Variants in NTRK2 observed in about 807,000 individuals in gnomAD.
The protein encoded by NTRK2 is BDNF/NT-3 growth factors receptor.
A neutral mutation model predicts 94.5 loss-of-function variants in NTRK2; 13 were observed. That is an observed-to-expected ratio of 0.14 (90% CI 0.09 to 0.22). The LOEUF is 0.22. NTRK2 is among the 10% of genes least tolerant of loss of function. The pLI, the probability that NTRK2 is intolerant of heterozygous loss-of-function variation, is 1.00. For missense variants in NTRK2, 639 were observed against 1,071.2 expected (o/e 0.60, Z 5.63); for synonymous variants, 372 against 407.4 (o/e 0.91, Z 1.05).
chr9:84,751,270 TATTCTTCACCAGCTTCAAGA>T (rs755542131), intron 11 of NTRK2, among the ~76,000 whole-genome samples: 5 of 152,218 alleles, frequency 3.3e-5, no homozygotes, highest in Non-Finnish European at 5.9e-5. Flanking sequence ...AACCCCATTG[TATTCTTCACCAGCTTCAAGA>T]ATTATCGGGC....
Position 84,813,889 on chromosome 9 carries a change from G to T in NTRK2, c.1397-47151G>T, listed in dbSNP as rs911500341. The T allele has an allele frequency of 5.6e-6, 6 of 1,065,220 alleles. No homozygotes were observed. In the African/African-American group the frequency reaches 9.8e-5, roughly 17 times the overall value. The allele number at this position is 1,065,220 out of a possible 1,614,324, so 66.0% of individuals were successfully genotyped here. On this transcript the variant is annotated intron_variant, in intron 12 of 18. Transcript: ENST00000277120. ...CTATATCTTATTATATTTACTCATG[G>T]CTCAATGGGGGCCTCCAGAGACCCT...
intron 14 of NTRK2, chr9:84,872,463 G>A: frequency 9.3e-7 from 1 of 1,072,304 alleles, no homozygotes; most frequent in Non-Finnish European, 1.1e-6. Flanking sequence ...AAATTAGCTA[G>A]GGTCCTAGGG....
chr9:84,899,616 C>A (rs2076866865), intron 14 of NTRK2, among the ~76,000 whole-genome samples: 1 of 152,160 alleles, frequency 6.6e-6, no homozygotes, highest in South Asian at 2.1e-4. Context: ...GAATTGGAAC[C>A]AGCTGAGCTT....
intron 4 of NTRK2, among the ~76,000 whole-genome samples, chr9:84,705,498 C>A (rs528912300): frequency 2.0e-5 from 3 of 152,222 alleles, no homozygotes; most frequent in Non-Finnish European, 2.9e-5. Context: ...GTTCTTTGGC[C>A]GGTAACCCCG....
chr9:84,946,857 CCA>C (rs2078614911), intron 15 of NTRK2, among the ~76,000 whole-genome samples: 1 of 152,158 alleles, frequency 6.6e-6, no homozygotes, highest in South Asian at 2.1e-4. Flanking sequence ...TAGAGGCCAC[CCA>C]CATTTCTTGG....
At chr9:84,811,503 T>C in intron 12 of NTRK2, 1 of 1,065,500 alleles carries the variant, frequency 9.4e-7, no homozygotes, top group Non-Finnish European at 1.1e-6. Context: ...GTCTGCCGAG[T>C]GAGAAGGCCA....
At chr9:84,958,187 C>T (rs1824406927) in intron 17 of NTRK2, among the ~76,000 whole-genome samples, 1 of 149,758 alleles carries the variant, frequency 6.7e-6, no homozygotes, top group South Asian at 2.1e-4. Context: ...AATTGTACAA[C>T]ATTAATCATA....
chr9:84,733,804 T>C (rs1450963209), intron 9 of NTRK2, among the ~76,000 whole-genome samples: 1 of 152,210 alleles, frequency 6.6e-6, no homozygotes, highest in East Asian at 1.9e-4. Flanking sequence ...CCTCTTTAAA[T>C]CTTCTTTCTT....
intron 17 of NTRK2, among the ~76,000 whole-genome samples, chr9:84,974,707 T>C (rs1483997857): frequency 6.6e-6 from 1 of 152,218 alleles, no homozygotes; most frequent in African/African-American, 2.4e-5. Context: ...CCTCAAATGA[T>C]GTGGAGAACC....
chr9:84,919,282 A>G (rs990458407), intron 14 of NTRK2, among the ~76,000 whole-genome samples: 1 of 152,118 alleles, frequency 6.6e-6, no homozygotes, highest in Non-Finnish European at 1.5e-5. Context: ...TTGAGTTCCT[A>G]TCACTCTAGT....
At chr9:84,840,288 T>A (rs2074103803) in intron 12 of NTRK2, among the ~76,000 whole-genome samples, 1 of 138,022 alleles carries the variant, frequency 7.2e-6, no homozygotes, top group African/African-American at 2.9e-5. Context: ...TTTTTTTTTT[T>A]AACTCTTTCT....
intron 14 of NTRK2, among the ~76,000 whole-genome samples, chr9:84,881,476 A>G (rs560991610): frequency 1.3e-5 from 2 of 152,364 alleles, no homozygotes; most frequent in East Asian, 1.9e-4. Flanking sequence ...GTTCTGAATC[A>G]TAGTCTGTTC....
chr9:84,970,517 A>G (rs576160390), intron 17 of NTRK2, among the ~76,000 whole-genome samples: 1 of 152,294 alleles, frequency 6.6e-6, no homozygotes, highest in African/African-American at 2.4e-5. Flanking sequence ...AGCTGTCATT[A>G]TTGTAACTAT....
At chr9:84,974,075 G>A (rs1344347272) in intron 17 of NTRK2, among the ~76,000 whole-genome samples, 1 of 152,072 alleles carries the variant, frequency 6.6e-6, no homozygotes, top group Admixed American at 6.5e-5. Context: ...TTCTCTTAAA[G>A]CAATATCCCC....
At chr9:84,669,674 T>G (rs199776024), upstream of NTRK2, 1 of 153,028 alleles carries the variant, frequency 6.5e-6, no homozygotes, top group Non-Finnish European at 1.5e-5. The surrounding 1 kb of genome is among the most constrained non-coding windows in gnomAD (Gnocchi z 4.1). Context: ...TGTTTTTGGA[T>G]TTCAGACTAA....
intron 7 of NTRK2, among the ~76,000 whole-genome samples, chr9:84,723,910 C>T (rs1413217257): frequency 6.6e-6 from 1 of 152,112 alleles, no homozygotes; most frequent in Non-Finnish European, 1.5e-5. Context: ...GTTATGCATA[C>T]CTAAGAGAGC....
chr9:84,766,230 G>A (rs1014703836), intron 12 of NTRK2, among the ~76,000 whole-genome samples: 35 of 152,254 alleles, frequency 2.3e-4, no homozygotes, highest in African/African-American at 6.3e-4. Context: ...GAGGGAGCTC[G>A]CTGATGTCCT....
chr9:84,816,238 T>C (rs572025409), intron 12 of NTRK2, among the ~76,000 whole-genome samples: 1 of 152,270 alleles, frequency 6.6e-6, no homozygotes, highest in South Asian at 2.1e-4. Context: ...GTTAGCATGG[T>C]GCCCACACTT....
At chr9:84,786,093 T>A (rs1205453361) in intron 12 of NTRK2, among the ~76,000 whole-genome samples, 2 of 152,206 alleles carry the variant, frequency 1.3e-5, no homozygotes, top group Non-Finnish European at 2.9e-5. Context: ...ATTCAGCCAC[T>A]GTATGAGCCT....
Sources: gnomAD v4.1 joint callset for allele counts (sites outside exome capture counted in the v4.1 genomes callset) on GRCh38, gnomAD v4.1.1 for gene constraint, Gnocchi (gnomAD v3.1) non-coding constraint, MANE v1.5 for transcripts, NCBI Gene and HGNC (gene_info 2026-07-23, HGNC 2026-07-21) for gene names.